The following PITPNC1 variants were observed in gnomAD, a reference collection of about 807,000 sequenced individuals.
PITPNC1 encodes the protein cytoplasmic phosphatidylinositol transfer protein 1.
Under a neutral mutation model 44.7 loss-of-function variants are expected in PITPNC1, and 18 were observed. The observed-to-expected ratio is 0.40, with a 90% CI of 0.28 to 0.60. The LOEUF is 0.60. PITPNC1 is among the 20% of genes least tolerant of loss of function. PITPNC1 has a pLI of 0.39. For synonymous variants in PITPNC1, 141 were observed against 149.6 expected, an observed-to-expected ratio of 0.94 and a Z score of 0.42; for missense variants, 290 against 418.4, an observed-to-expected ratio of 0.69 and a Z score of 2.68.
intron 8 of PITPNC1, 23 bp downstream of exon 8, chr17:67,675,565 A>G: frequency 1.3e-6 from 2 of 1,502,430 alleles, no homozygotes; most frequent in East Asian, 2.2e-5. Context: ...CTCCAAAATA[A>G]CTTGTAGAAC....
chr17:67,489,924 A>G (rs546340058), intron 1 of PITPNC1, among the ~76,000 whole-genome samples: 1 of 152,062 alleles, frequency 6.6e-6, no homozygotes, highest in African/African-American at 2.4e-5. Flanking sequence ...TTGTATTTTT[A>G]GTAGAGACGG....
chr17:67,390,287 G>T (rs1598607172), intron 1 of PITPNC1, among the ~76,000 whole-genome samples: 1 of 152,182 alleles, frequency 6.6e-6, no homozygotes, highest in African/African-American at 2.4e-5. Context: ...ATCATGGCTT[G>T]AATAGCTGCC....
At chr17:67,579,938 CA>C (rs35787884) in intron 5 of PITPNC1, among the ~76,000 whole-genome samples, 64 of 134,818 alleles carry the variant, frequency 4.7e-4, no homozygotes, top group African/African-American at 3.9e-4. Context: ...GACTCTGTCT[CA>C]AAAAAAAAAA....
rs758498976 is a variant in PITPNC1, at chr17:67,675,553, T to C, written c.682+11T>C. The C allele has an allele frequency of 6.4e-7, 1 of 1,567,996 alleles. No individual in the cohort carries two copies. The highest frequency in any genetic ancestry group is 1.4e-5 in the African/African-American group (1 of 74,066). Reference sequence around the variant, plus strand: ...TTGATGAGTGGTATGGTAAGTCAATTTCTCCAAAATAACTTGTAGAACAAC... The same window carrying C: ...TTGATGAGTGGTATGGTAAGTCAATCTCTCCAAAATAACTTGTAGAACAAC... On this transcript the variant is annotated intron_variant, in intron 8 of 8. Coordinates refer to ENST00000581322, the MANE Select transcript of PITPNC1 (RefSeq NM_012417.4).
chr17:67,686,067 T>C (rs2642048), intron 8 of PITPNC1, among the ~76,000 whole-genome samples: 5,679 of 151,658 alleles, frequency 0.037, 172 homozygotes, highest in African/African-American at 0.085. Flanking sequence ...CTGACCTCAA[T>C]TGATCCACCC....
At chr17:67,569,663 G>A (rs2041025775) in intron 4 of PITPNC1, among the ~76,000 whole-genome samples, 1 of 152,136 alleles carries the variant, frequency 6.6e-6, no homozygotes, top group South Asian at 2.1e-4. Context: ...GGGAGCAGAT[G>A]GCAGCAACAC....
chr17:67,397,986 G>C (rs759621814), intron 1 of PITPNC1, among the ~76,000 whole-genome samples: 1 of 151,850 alleles, frequency 6.6e-6, no homozygotes, highest in African/African-American at 2.4e-5. Flanking sequence ...CCAACTACTC[G>C]AGAGGCTGGG....
intron 5 of PITPNC1, among the ~76,000 whole-genome samples, chr17:67,615,541 GT>G (rs2041747127): frequency 6.6e-6 from 1 of 152,176 alleles, no homozygotes; most frequent in Non-Finnish European, 1.5e-5. Flanking sequence ...AGCTAGTGTA[GT>G]GGCTGTGTCA....
At chr17:67,461,564 T>G (rs559528149) in intron 1 of PITPNC1, among the ~76,000 whole-genome samples, 1 of 152,346 alleles carries the variant, frequency 6.6e-6, no homozygotes, top group South Asian at 2.1e-4. Flanking sequence ...CAGTGCAGTC[T>G]GGTGAATCAG....
At chr17:67,515,003 G>T (rs1423125878) in intron 1 of PITPNC1, among the ~76,000 whole-genome samples, 1 of 152,120 alleles carries the variant, frequency 6.6e-6, no homozygotes, top group Non-Finnish European at 1.5e-5. Flanking sequence ...ATTAACTAGT[G>T]CTCAGTCTCC....
At chr17:67,538,266 TG>T (rs2144138280) in intron 2 of PITPNC1, among the ~76,000 whole-genome samples, 1 of 152,200 alleles carries the variant, frequency 6.6e-6, no homozygotes, top group African/African-American at 2.4e-5. Flanking sequence ...GGCTTCTAAT[TG>T]GAAGAATGAC....
chr17:67,625,902 G>T (rs148605902), intron 5 of PITPNC1, among the ~76,000 whole-genome samples: 44 of 151,952 alleles, frequency 2.9e-4, no homozygotes, highest in Non-Finnish European at 5.1e-4. Flanking sequence ...AGAAAAATAC[G>T]CCTTCTCAAA....
At chr17:67,625,163 C>T (rs954632721) in intron 5 of PITPNC1, among the ~76,000 whole-genome samples, 1 of 152,064 alleles carries the variant, frequency 6.6e-6, no homozygotes, top group African/African-American at 2.4e-5. Context: ...AGAGGATAAA[C>T]ACTTTTCCTT....
intron 1 of PITPNC1, among the ~76,000 whole-genome samples, chr17:67,441,006 C>A (rs2039004812): frequency 6.6e-6 from 1 of 152,090 alleles, no homozygotes; most frequent in Non-Finnish European, 1.5e-5. Flanking sequence ...CAGGTAGTAC[C>A]TAAGTGTATC....
chr17:67,460,970 G>C (rs939313068), intron 1 of PITPNC1, among the ~76,000 whole-genome samples: 1 of 151,966 alleles, frequency 6.6e-6, no homozygotes, highest in African/African-American at 2.4e-5. Flanking sequence ...TTGAACTCCT[G>C]ACCTCAGGTG....
intron 4 of PITPNC1, among the ~76,000 whole-genome samples, chr17:67,568,051 C>T (rs1386668752): frequency 1.3e-5 from 2 of 152,076 alleles, no homozygotes; most frequent in Non-Finnish European, 2.9e-5. Context: ...AAAACTCGCA[C>T]AAGAATAGCT....
At chr17:67,502,034 CT>C (rs1386444801) in intron 1 of PITPNC1, among the ~76,000 whole-genome samples, 1 of 152,170 alleles carries the variant, frequency 6.6e-6, no homozygotes, top group Non-Finnish European at 1.5e-5. Context: ...CTTAAGACAA[CT>C]TTTGGTACAT....
rs115062056 is a variant in PITPNC1 at position 67,543,084 on chromosome 17, T to G, written c.198-9173T>G. On this transcript the variant is annotated intron_variant, in intron 2 of 8. Transcript: ENST00000581322. ...TGCCAGCAAGAGAAACTGAGTCTCT[T>G]GAGCAGAAAGGACATTTCATGGAAA... 2.8e-3 allele frequency among the ~76,000 whole-genome samples: 425 copies of G among 152,276 alleles called. 1 individual carries two copies. The highest frequency in any genetic ancestry group is 9.7e-3 in the African/African-American group (404 of 41,550).
At chr17:67,688,888 T>C (rs2042870413) in intron 8 of PITPNC1, among the ~76,000 whole-genome samples, 8 of 152,222 alleles carry the variant, frequency 5.3e-5, no homozygotes, top group Admixed American at 5.2e-4. Context: ...CTTTCAGTTT[T>C]ACTGTGATTA....
Sources: allele counts gnomAD v4.1 joint callset (sites outside exome capture counted in the v4.1 genomes callset), GRCh38; gene constraint gnomAD v4.1.1; transcripts MANE v1.5; gene names NCBI Gene and HGNC (gene_info 2026-07-23, HGNC 2026-07-21).